Variants in KIAA1549L observed in about 807,000 individuals in gnomAD.
KIAA1549L encodes UPF0606 protein KIAA1549L.
A neutral mutation model predicts 160.7 loss-of-function variants in KIAA1549L; 88 were observed. The ratio of observed to expected loss-of-function variants is 0.55; its 90% CI spans 0.46 to 0.65. KIAA1549L has a LOEUF of 0.65. KIAA1549L is among the 30% of genes least tolerant of loss of function. KIAA1549L has a pLI of 0.00. For missense variants in KIAA1549L, 2,258 were observed against 2,437.5 expected (o/e 0.93, Z 1.55); for synonymous variants, 950 against 976.7 (o/e 0.97, Z 0.51).
chr11:33,530,678 T>G (rs1853748747), intron 1 of KIAA1549L, among the ~76,000 whole-genome samples: 1 of 151,826 alleles, frequency 6.6e-6, no homozygotes, highest in Non-Finnish European at 1.5e-5. Context: ...ACAAGTGACC[T>G]TCTGTGTGTG....
At chr11:33,579,926 C>T (rs563047203) in intron 10 of KIAA1549L, among the ~76,000 whole-genome samples, 8 of 152,194 alleles carry the variant, frequency 5.3e-5, no homozygotes, top group Non-Finnish European at 8.8e-5. Context: ...GATCAGCCTA[C>T]AATGTTCATC....
intron 1 of KIAA1549L, among the ~76,000 whole-genome samples, chr11:33,530,796 G>C (rs1227207991): frequency 6.6e-6 from 1 of 152,094 alleles, no homozygotes; most frequent in East Asian, 1.9e-4. Context: ...TAATCAAGCT[G>C]TATTGTAACA....
chr11:33,437,831 G>A (rs551032271), intron 1 of KIAA1549L, among the ~76,000 whole-genome samples: 2 of 152,180 alleles, frequency 1.3e-5, no homozygotes, highest in Non-Finnish European at 2.9e-5. Flanking sequence ...AAGTCAACCT[G>A]CAGCTCCAGG....
At chr11:33,497,927 T>C (rs1852857199) in intron 1 of KIAA1549L, among the ~76,000 whole-genome samples, 1 of 152,208 alleles carries the variant, frequency 6.6e-6, no homozygotes, top group South Asian at 2.1e-4. Flanking sequence ...CCCAGTTCTG[T>C]CATTTGCTGT....
rs1491474575 is a variant in KIAA1549L, at chr11:33,397,707, ATC to A, written c.238+20821_238+20822del. Among the ~76,000 whole-genome samples, 235 of 103,802 alleles carry A rather than the reference ATC, an allele frequency of 2.3e-3. 1 individual carries two copies. The highest frequency in any genetic ancestry group is 7.9e-3 in the African/African-American group (217 of 27,356). 68.1% of individuals were successfully genotyped at this position (103,802 alleles called of 152,430 possible). A position where few individuals can be genotyped will look rare whatever the true frequency, so the allele number is the denominator to read the frequency against. On this transcript the variant is annotated intron_variant, in intron 1 of 20. Coordinates refer to ENST00000658780, the MANE Select transcript of KIAA1549L (RefSeq NM_012194.3). ...AGCCTGGGCGACAGAGCGAGACTCC[ATC>A]TCACACACACACACACACACACACA...
At chr11:33,645,638 C>A in intron 16 of KIAA1549L, 48 bp from the exon 17 acceptor site, 1 of 1,385,438 alleles carries the variant, frequency 7.2e-7, no homozygotes, top group Non-Finnish European at 1.0e-6. Flanking sequence ...AGAGCACCTT[C>A]ACGGGAAGGA....
rs1853344210 is a variant in KIAA1549L at position 33,516,373 on chromosome 11, G to T, written c.239-25429G>T. On this transcript the variant is annotated intron_variant, in intron 1 of 20. Transcript: ENST00000658780. ...TCACCGTGTTAGCCAGGATGGTCTC[G>T]ATCTCCTGACCTCGTGATCCGCCCG... 1.2e-4 allele frequency among the ~76,000 whole-genome samples: 2 copies of T among 16,884 alleles called. 1 individual carries two copies. The highest frequency in any genetic ancestry group is 2.5e-3 in the South Asian group (2 of 802). The allele number at this position is 16,884 out of a possible 152,430, so 11.1% of individuals were successfully genotyped here.
intron 11 of KIAA1549L, among the ~76,000 whole-genome samples, chr11:33,586,593 G>A (rs1849886195): frequency 6.6e-6 from 1 of 152,090 alleles, no homozygotes; most frequent in Non-Finnish European, 1.5e-5. Context: ...CTTAGAAGAG[G>A]GTGGATAGGA....
intron 17 of KIAA1549L, among the ~76,000 whole-genome samples, chr11:33,651,495 CCTT>C (rs35379900): frequency 0.53 from 80,152 of 151,264 alleles, 22,685 homozygotes; most frequent in African/African-American, 0.73. Context: ...TTTTGTGCCT[CCTT>C]CTTCCCTGGG....
At chr11:33,652,319 GGGA>G (rs1360744969) in intron 17 of KIAA1549L, among the ~76,000 whole-genome samples, 1 of 152,090 alleles carries the variant, frequency 6.6e-6, no homozygotes, top group Non-Finnish European at 1.5e-5. Flanking sequence ...GACACCCTGG[GGGA>G]GGATTCCTTC....
chr11:33,383,388 A>T (rs990511614), intron 1 of KIAA1549L, among the ~76,000 whole-genome samples: 2 of 152,092 alleles, frequency 1.3e-5, no homozygotes, highest in Non-Finnish European at 2.9e-5. Flanking sequence ...GGGATTTCTA[A>T]ACACACAGAG....
intron 1 of KIAA1549L, among the ~76,000 whole-genome samples, chr11:33,424,593 A>G (rs1851081388): frequency 6.6e-6 from 1 of 152,152 alleles, no homozygotes; most frequent in East Asian, 1.9e-4. Flanking sequence ...ACCACTTACA[A>G]AAGTGTCTTG....
chr11:33,580,092 T>A (rs1335476736), intron 10 of KIAA1549L, among the ~76,000 whole-genome samples: 1 of 152,116 alleles, frequency 6.6e-6, no homozygotes, highest in Non-Finnish European at 1.5e-5. Context: ...CCCCATCACC[T>A]CTGGGTGACA....
intron 1 of KIAA1549L, among the ~76,000 whole-genome samples, chr11:33,488,838 CA>C (rs921896128): frequency 6.6e-6 from 1 of 152,184 alleles, no homozygotes; most frequent in African/African-American, 2.4e-5. Flanking sequence ...CTAGATGGCT[CA>C]GAGAGTGTAA....
At chr11:33,462,663 A>G (rs1172428271) in intron 1 of KIAA1549L, among the ~76,000 whole-genome samples, 2 of 152,006 alleles carry the variant, frequency 1.3e-5, no homozygotes, top group African/African-American at 2.4e-5. Flanking sequence ...TGATTGTTCC[A>G]CTCATGGACC....
intron 1 of KIAA1549L, among the ~76,000 whole-genome samples, chr11:33,402,367 C>G (rs528287123): frequency 1.9e-4 from 29 of 152,300 alleles, no homozygotes; most frequent in African/African-American, 5.8e-4. Context: ...GCACCTGCTC[C>G]CTCCTCTTAC....
chr11:33,547,659 T>C, intron 3 of KIAA1549L, 105 bp from the exon 4 acceptor site: 2 of 707,996 alleles, frequency 2.8e-6, no homozygotes, highest in Non-Finnish European at 5.0e-6. Context: ...GCTTACCGGC[T>C]CTGCCCAGAA....
intron 17 of KIAA1549L, among the ~76,000 whole-genome samples, chr11:33,649,707 A>G (rs1465775284): frequency 2.6e-5 from 4 of 152,004 alleles, no homozygotes; most frequent in Admixed American, 6.5e-5. Context: ...ATGCAGATAT[A>G]TCAGCTATGA....
intron 1 of KIAA1549L, among the ~76,000 whole-genome samples, chr11:33,489,288 G>A (rs1192361491): frequency 6.6e-6 from 1 of 152,196 alleles, no homozygotes; most frequent in Non-Finnish European, 1.5e-5. Flanking sequence ...CTTGCTGTGT[G>A]CTTACAAGGC....
Sources: gnomAD v4.1 joint callset for allele counts (sites outside exome capture counted in the v4.1 genomes callset) on GRCh38, gnomAD v4.1.1 for gene constraint, MANE v1.5 for transcripts, NCBI Gene and HGNC (gene_info 2026-07-23, HGNC 2026-07-21) for gene names.